LYRM4: variants seen among roughly 807,000 people sequenced by gnomAD.
LYRM4 encodes the protein LYR motif-containing protein 4.
LYRM4 carries 9 observed loss-of-function variants against 11.7 expected under a neutral mutation model. The ratio of observed to expected loss-of-function variants is 0.77; its 90% CI spans 0.46 to 1.34. The LOEUF (loss-of-function observed/expected upper bound fraction) is 1.34. Among genes scored for constraint, LYRM4 ranks in the 40% most tolerant of loss-of-function variants. The pLI is 0.00. For missense variants in LYRM4, 133 were observed against 112.5 expected (o/e 1.18, Z -0.82); for synonymous variants, 42 against 40.4 (o/e 1.04, Z -0.15).
chr6:5,077,708 C>G, the LYRM4 span, among the ~76,000 whole-genome samples: 2 of 151,966 alleles, frequency 1.3e-5, no homozygotes, highest in African/African-American at 4.8e-5. Context: ...TTCTATTGGT[C>G]CCTTTAGAAT....
chr6:5,081,428 A>G, the LYRM4 span, among the ~76,000 whole-genome samples: 1 of 152,280 alleles, frequency 6.6e-6, no homozygotes, highest in African/African-American at 2.4e-5. Flanking sequence ...GTGGGTGCAC[A>G]CCGTTTCTGC....
intron 2 of LYRM4, among the ~76,000 whole-genome samples, chr6:5,126,447 C>T (rs1273756921): frequency 6.6e-6 from 1 of 152,188 alleles, no homozygotes; most frequent in Non-Finnish European, 1.5e-5. Context: ...CATGAAAAAG[C>T]AACTGAAGTA....
chr6:5,223,663 A>G (rs771555623), intron 1 of LYRM4, among the ~76,000 whole-genome samples: 2 of 152,256 alleles, frequency 1.3e-5, no homozygotes, highest in Non-Finnish European at 2.9e-5. Flanking sequence ...AGCGCCAAAC[A>G]TGTCTTAAGA....
At chr6:5,195,633 C>T (rs899753519) in intron 2 of LYRM4, among the ~76,000 whole-genome samples, 4 of 152,260 alleles carry the variant, frequency 2.6e-5, no homozygotes, top group Non-Finnish European at 4.4e-5. Flanking sequence ...GAGACCCTGT[C>T]TCATCAAAAC....
At chr6:5,190,858 C>T (rs1294885110) in intron 2 of LYRM4, among the ~76,000 whole-genome samples, 9 of 152,086 alleles carry the variant, frequency 5.9e-5, no homozygotes, top group African/African-American at 1.4e-4. Context: ...AACCTGAGCC[C>T]GTGGCTTCAG....
At chr6:5,225,038 C>T (rs1056974858) in intron 1 of LYRM4, among the ~76,000 whole-genome samples, 31 of 152,036 alleles carry the variant, frequency 2.0e-4, no homozygotes, top group African/African-American at 5.3e-4. Context: ...CACCTGAGGT[C>T]GGGAGTTTGA....
chr6:5,153,079 T>G (rs1758185589), intron 2 of LYRM4, among the ~76,000 whole-genome samples: 1 of 152,196 alleles, frequency 6.6e-6, no homozygotes, highest in Non-Finnish European at 1.5e-5. Context: ...TTGTTTCTGT[T>G]GAACCATTGG....
At chr6:5,134,245 GT>G (rs1764087328) in intron 2 of LYRM4, among the ~76,000 whole-genome samples, 1 of 152,214 alleles carries the variant, frequency 6.6e-6, no homozygotes, top group Non-Finnish European at 1.5e-5. Context: ...AACCTAGTTG[GT>G]TAAGATAGAG....
the LYRM4 span, among the ~76,000 whole-genome samples, chr6:5,041,136 G>A: frequency 6.6e-6 from 1 of 152,018 alleles, no homozygotes; most frequent in African/African-American, 2.4e-5. Context: ...CTGCACTCCA[G>A]CCTGGGTGAC....
intron 1 of LYRM4, among the ~76,000 whole-genome samples, chr6:5,219,744 A>C (rs998706598): frequency 1.3e-5 from 2 of 148,988 alleles, no homozygotes; most frequent in African/African-American, 2.5e-5. Flanking sequence ...TCTTTTTTGC[A>C]GATTCTGGCT....
intron 2 of LYRM4, among the ~76,000 whole-genome samples, chr6:5,126,718 A>T (rs894677072): frequency 6.6e-6 from 1 of 152,206 alleles, no homozygotes; most frequent in Non-Finnish European, 1.5e-5. Context: ...AAGTGATAGA[A>T]GCCAAACACA....
chr6:5,148,051 C>A (rs1310283291), intron 2 of LYRM4, among the ~76,000 whole-genome samples: 1 of 152,162 alleles, frequency 6.6e-6, no homozygotes, highest in East Asian at 1.9e-4. Context: ...CTCCCCCACT[C>A]TCCCTTCACG....
intron 2 of LYRM4, among the ~76,000 whole-genome samples, chr6:5,124,760 G>T (rs570240229): frequency 6.6e-6 from 1 of 152,354 alleles, no homozygotes; most frequent in Non-Finnish European, 1.5e-5. Flanking sequence ...ACTGCAGTGG[G>T]TGCCGGCTTT....
the LYRM4 span, chr6:5,066,615 A>T: frequency 0.01 from 12,098 of 1,200,180 alleles, 171 homozygotes; most frequent in African/African-American, 0.054. Flanking sequence ...GTCACTTTCA[A>T]GGGCAACCAC....
chr6:5,035,595 T>TTCCC, the LYRM4 span, among the ~76,000 whole-genome samples: 2 of 22 alleles, frequency 0.091, no homozygotes, highest in African/African-American at 0.062. Context: ...CTCCCCTCCC[T>TTCCC]TCCCCTCCTC....
At position 5,108,530 on chromosome 6, in the gene LYRM4, C is replaced by T. The variant is rs1762735177; in HGVS notation, c.*893G>A. ...AGAGCTTCAGAATAGAGAAAAATGA[C>T]TGTGCCTCACCCCTCACTTACTGAG... On this transcript the variant is annotated 3_prime_UTR_variant, in exon 3 of 3. Coordinates refer to ENST00000330636, the MANE Select transcript of LYRM4 (RefSeq NM_020408.6). 2 of 549,012 alleles carry T rather than the reference C, an allele frequency of 3.6e-6. No homozygotes were observed. Among genetic ancestry groups the T allele is most frequent in the African/African-American group, 4.1e-5 (2 of 48,682 alleles). 34.0% of individuals were successfully genotyped at this position (549,012 alleles called of 1,614,324 possible).
chr6:5,127,104 C>G (rs1402797218), intron 2 of LYRM4, among the ~76,000 whole-genome samples: 2 of 152,152 alleles, frequency 1.3e-5, no homozygotes, highest in African/African-American at 4.8e-5. Flanking sequence ...CACCCGCCAC[C>G]ACACCTGGCT....
At chr6:5,199,003 C>T (rs1033268262) in intron 2 of LYRM4, among the ~76,000 whole-genome samples, 1 of 152,122 alleles carries the variant, frequency 6.6e-6, no homozygotes, top group Non-Finnish European at 1.5e-5. Context: ...CTAGGTAATT[C>T]CTCAAAAAGT....
chr6:5,101,968 C>CTTTTTTTTTTTT (rs397826404), downstream of LYRM4, among the ~76,000 whole-genome samples: 296 of 67,950 alleles, frequency 4.4e-3, 45 homozygotes, highest in East Asian at 6.5e-3. Context: ...CTAATGCTTT[C>CTTTTTTTTTTTT]TTTTTTTTTT....
Sources: allele counts gnomAD v4.1 joint callset (sites outside exome capture counted in the v4.1 genomes callset), GRCh38; gene constraint gnomAD v4.1.1; transcripts MANE v1.5; gene names NCBI Gene and HGNC (gene_info 2026-07-23, HGNC 2026-07-21).